The following RFX4 variants were observed in gnomAD, a reference collection of about 807,000 sequenced individuals.
The protein encoded by RFX4 is regulatory factor X4.
A neutral mutation model predicts 95.0 loss-of-function variants in RFX4; 10 were observed. The ratio of observed to expected loss-of-function variants is 0.11; its 90% confidence interval spans 0.06 to 0.18. The LOEUF is 0.18. RFX4 is among the 10% of genes least tolerant of loss of function. The probability of loss-of-function intolerance (pLI) is 1.00; values close to 1 mark genes in which losing one functional copy is unlikely to be tolerated. For synonymous variants in RFX4, 321 were observed against 340.7 expected (o/e 0.94, Z 0.64); for missense variants, 640 against 922.0 (o/e 0.69, Z 3.96).
At chr12:106,696,511 T>C (rs1592951028) in intron 8 of RFX4, 65 bp downstream of exon 8, 9 of 1,584,034 alleles carry the variant, frequency 5.7e-6, no homozygotes, top group African/African-American at 1.3e-5. Flanking sequence ...CTGCTTCTCT[T>C]GTACTGATTA....
At chr12:106,715,368 T>A in intron 10 of RFX4, 32 bp from the exon 11 acceptor site, 1 of 1,603,118 alleles carries the variant, frequency 6.2e-7, no homozygotes, top group Non-Finnish European at 8.5e-7. Flanking sequence ...TAACAACCCA[T>A]GAGCTAACGA....
rs533207162 is a variant in RFX4, at chr12:106,674,640, T to C, written c.316-7353T>C. 3.3e-5 allele frequency among the ~76,000 whole-genome samples: 5 copies of C among 152,224 alleles called. No individual in the cohort carries two copies. In the South Asian group the frequency reaches 1.0e-3, roughly 32 times the overall value. On this transcript the variant is annotated intron_variant, in intron 4 of 17. Transcript: ENST00000392842. ...CCACCGTGCCTGGCCCCCACCTCCA[T>C]TTTCTTTATTCCCCTCACCCTACTT... is the stretch of plus-strand genomic sequence containing the variant.
At chr12:106,684,516 C>CA (rs1216828866) in intron 5 of RFX4, 8 of 286,366 alleles carry the variant, frequency 2.8e-5, no homozygotes, top group Non-Finnish European at 5.1e-5. Context: ...GCAGTAGCTT[C>CA]ACTGTGGTTG....
chr12:106,610,640 A>T (rs982415505), intron 2 of RFX4, among the ~76,000 whole-genome samples: 4 of 152,218 alleles, frequency 2.6e-5, no homozygotes, highest in African/African-American at 9.6e-5. Context: ...CATGTGTCAG[A>T]ATTTTCTTCT....
At chr12:106,702,065 G>A (rs975266163) in intron 8 of RFX4, among the ~76,000 whole-genome samples, 14 of 151,978 alleles carry the variant, frequency 9.2e-5, no homozygotes, top group African/African-American at 3.1e-4. Flanking sequence ...TTATTTATGT[G>A]TTCTTCTGAA....
intron 13 of RFX4, among the ~76,000 whole-genome samples, chr12:106,724,020 T>A (rs1331264476): frequency 1.3e-5 from 2 of 152,200 alleles, no homozygotes; most frequent in East Asian, 3.8e-4. Flanking sequence ...CAGAAACATG[T>A]ATTGAGGGCC....
At chr12:106,722,304 C>A (rs1049599278) in intron 13 of RFX4, among the ~76,000 whole-genome samples, 5 of 152,222 alleles carry the variant, frequency 3.3e-5, no homozygotes, top group Non-Finnish European at 7.3e-5. Flanking sequence ...ATCCACACAG[C>A]GAGCATCCTC....
chr12:106,720,031 A>G lies in RFX4; in HGVS notation c.1210A>G (p.Met404Val). 6.2e-7 allele frequency: 1 copy of G among 1,614,220 alleles called. No homozygotes were observed. The highest frequency in any genetic ancestry group is 8.5e-7 in the Non-Finnish European group (1 of 1,180,032). ...GTCCTACATTGAGTGGCTGGATACC[A>G]TGGTTGACCGCTGTGTTGTGAAGGT... The part of the protein sequence containing the change: ...IESYIEWLDT[M>V]VDRCVVKVAA... Residue 404 changes from methionine to valine, a missense_variant, in exon 12 of 18, where the codon ATG becomes GTG. Coordinates refer to ENST00000392842, the MANE Select transcript of RFX4 (RefSeq NM_213594.3). This position sits in a 1 kb window ranked among gnomAD's most constrained non-coding sequence, Gnocchi z 4.2.
At chr12:106,618,634 T>C (rs1264937989) in intron 2 of RFX4, among the ~76,000 whole-genome samples, 1 of 152,064 alleles carries the variant, frequency 6.6e-6, no homozygotes, top group Non-Finnish European at 1.5e-5. Context: ...AATCTTACTA[T>C]ATAATCTTAC....
rs1362005786 is a variant in RFX4 at position 106,583,230 on chromosome 12, C to T, written c.-91C>T. 3 of 1,026,006 alleles carry T rather than the reference C, an allele frequency of 2.9e-6. No individual in the cohort carries two copies. In the African/African-American group the frequency reaches 5.1e-5, roughly 17 times the overall value. The allele number at this position is 1,026,006 out of a possible 1,614,324, so 63.6% of individuals were successfully genotyped here. On this transcript the variant is annotated 5_prime_UTR_variant, in exon 1 of 18. Transcript: ENST00000392842. Reference sequence around the variant, plus strand: ...TCTCTCTCTCTCCCCTTCTCCCTCCCTCCCTCCCTTCCTCCCTGGGCATCT... The same window carrying T: ...TCTCTCTCTCTCCCCTTCTCCCTCCTTCCCTCCCTTCCTCCCTGGGCATCT...
intron 3 of RFX4, among the ~76,000 whole-genome samples, 162 bp from the exon 4 acceptor site, chr12:106,654,066 A>G (rs1592900932): frequency 6.6e-6 from 1 of 152,262 alleles, no homozygotes; most frequent in African/African-American, 2.4e-5. Flanking sequence ...GCCAGGCATG[A>G]CCTTGGGCAG....
At chr12:106,696,925 C>G (rs1011388183) in intron 8 of RFX4, among the ~76,000 whole-genome samples, 3 of 152,186 alleles carry the variant, frequency 2.0e-5, no homozygotes, top group African/African-American at 7.2e-5. Flanking sequence ...ATGTACTCTC[C>G]ACCACACTTC....
rs1195265327 is a variant in RFX4 at position 106,720,605 on chromosome 12, A to C, written c.1234-154A>C. Among the ~76,000 whole-genome samples, 1 of 152,066 alleles carries C rather than the reference A, an allele frequency of 6.6e-6. No homozygotes were observed. The highest frequency in any genetic ancestry group is 1.5e-5 in the Non-Finnish European group (1 of 67,998). On this transcript the variant is annotated intron_variant, in intron 12 of 17. Transcript: ENST00000392842. The surrounding 1 kb of genome is among the most constrained non-coding windows in gnomAD (Gnocchi z 4.2). Reference sequence around the variant, plus strand: ...TGCCACGTTGCCCAGGCTGGTCTCAAACTCCTAGGCTCATGCGATCATCCG... The same window carrying C: ...TGCCACGTTGCCCAGGCTGGTCTCACACTCCTAGGCTCATGCGATCATCCG...
chr12:106,623,995 T>C (rs79524741), intron 2 of RFX4, among the ~76,000 whole-genome samples: 2,223 of 152,308 alleles, frequency 0.015, 22 homozygotes, highest in Non-Finnish European at 0.022. Flanking sequence ...CCCGAGTTAG[T>C]ACCTCATAAT....
chr12:106,698,426 G>T (rs1257215680), intron 8 of RFX4, among the ~76,000 whole-genome samples: 1 of 151,944 alleles, frequency 6.6e-6, no homozygotes, highest in Non-Finnish European at 1.5e-5. Context: ...CTATAGGCAT[G>T]CCCCACAGGA....
chr12:106,608,660 G>T, intron 1 of RFX4, 137 bp from the exon 2 acceptor site: 1 of 813,458 alleles, frequency 1.2e-6, no homozygotes, highest in Non-Finnish European at 1.9e-6. Flanking sequence ...AATCTGGGCA[G>T]ATGCCACATG....
At chr12:106,612,814 G>T (rs1445566299) in intron 2 of RFX4, among the ~76,000 whole-genome samples, 1 of 151,958 alleles carries the variant, frequency 6.6e-6, no homozygotes, top group African/African-American at 2.4e-5. Flanking sequence ...CTCCAGCCTG[G>T]GTGACAGAGC....
At position 106,714,068 on chromosome 12, in the gene RFX4, CA is replaced by C. The variant is rs58283896; in HGVS notation, c.994-1309del. On this transcript the variant is annotated intron_variant, in intron 10 of 17. Coordinates refer to ENST00000392842, the MANE Select transcript of RFX4 (RefSeq NM_213594.3). Reference sequence around the variant, plus strand: ...GGGCAACAAGAGTGAAACTCCATCTCAAAAAAAAAAAAAAAAAAAAAAAGCA... The same window carrying C: ...GGGCAACAAGAGTGAAACTCCATCTCAAAAAAAAAAAAAAAAAAAAAAGCA... Among the ~76,000 whole-genome samples, 323 of 30,514 alleles carry C rather than the reference CA, an allele frequency of 0.011. 1 individual carries two copies. In the East Asian group the frequency reaches 0.11, roughly 10 times the overall value. 20.0% of individuals were successfully genotyped at this position (30,514 alleles called of 152,430 possible).
chr12:106,598,259 C>T (rs746621817), intron 1 of RFX4, among the ~76,000 whole-genome samples: 23 of 152,028 alleles, frequency 1.5e-4, no homozygotes, highest in Non-Finnish European at 3.1e-4. Flanking sequence ...TGCACCAAGT[C>T]GTTTATTGAA....
Sources: allele counts gnomAD v4.1 joint callset (sites outside exome capture counted in the v4.1 genomes callset), GRCh38; gene constraint gnomAD v4.1.1; non-coding constraint Gnocchi (gnomAD v3.1); transcripts MANE v1.5; gene names NCBI Gene and HGNC (gene_info 2026-07-23, HGNC 2026-07-21).